The following ADAMTS14 variants were observed in gnomAD, a reference collection of about 807,000 sequenced individuals.
ADAMTS14 encodes the protein ADAM metallopeptidase with thrombospondin type 1 motif 14, also known as A disintegrin and metalloproteinase with thrombospondin motifs 14.
A neutral mutation model predicts 128.6 loss-of-function variants in ADAMTS14; 100 were observed. The ratio of observed to expected loss-of-function variants is 0.78; its 90% CI spans 0.66 to 0.92. The LOEUF is 0.92. Ranked by LOEUF, ADAMTS14 falls within the 40% of genes least tolerant of loss-of-function variation. The pLI is 0.00. For synonymous variants in ADAMTS14, 665 were observed against 653.8 expected (o/e 1.02, Z -0.26); for missense variants, 1,562 against 1,658.6 (o/e 0.94, Z 1.01).
At chr10:70,678,168 G>A (rs1021797920) in intron 2 of ADAMTS14, among the ~76,000 whole-genome samples, 9 of 152,224 alleles carry the variant, frequency 5.9e-5, no homozygotes, top group African/African-American at 1.4e-4. Context: ...GCGGAGATAC[G>A]AAGATAATAC....
intron 4 of ADAMTS14, among the ~76,000 whole-genome samples, chr10:70,722,944 T>C (rs570269329): frequency 4.5e-4 from 68 of 152,334 alleles, no homozygotes; most frequent in African/African-American, 1.6e-3. Context: ...CCACACATAG[T>C]GACTTTCTTC....
intron 10 of ADAMTS14, among the ~76,000 whole-genome samples, 199 bp from the exon 11 acceptor site, chr10:70,738,643 C>A (rs1313230938): frequency 6.6e-6 from 1 of 152,238 alleles, no homozygotes; most frequent in East Asian, 1.9e-4. Context: ...AAGCTATGAG[C>A]AGGTGCAGTT....
Position 70,718,861 on chromosome 10 carries a change from T to C in ADAMTS14, c.870+10083T>C, listed in dbSNP as rs114633399. Among the ~76,000 whole-genome samples the C allele has an allele frequency of 8.9e-3, 1,350 of 151,870 alleles. 21 individuals are homozygous for C. Among genetic ancestry groups the C allele is most frequent in the African/African-American group, 0.03 (1,230 of 41,338 alleles). Reference sequence around the variant, plus strand: ...GCCTAATTTTCTTCTTCTTCTTCTTTTTTTTTTAATTTTTAGTAGAGACAG... The same window carrying C: ...GCCTAATTTTCTTCTTCTTCTTCTTCTTTTTTTAATTTTTAGTAGAGACAG... On this transcript the variant is annotated intron_variant, in intron 4 of 21. Transcript: ENST00000373207.
At chr10:70,707,471 C>T (rs1292231984) in intron 3 of ADAMTS14, among the ~76,000 whole-genome samples, 1 of 152,180 alleles carries the variant, frequency 6.6e-6, no homozygotes, top group Non-Finnish European at 1.5e-5. Flanking sequence ...CAGACCCCAG[C>T]CTCCTGTCCT....
At chr10:70,743,202 G>T (rs1842060332) in intron 12 of ADAMTS14, among the ~76,000 whole-genome samples, 1 of 152,184 alleles carries the variant, frequency 6.6e-6, no homozygotes, top group Admixed American at 6.5e-5. Flanking sequence ...TGTATTTTAA[G>T]GGCATGTGAA....
chr10:70,693,888 T>C (rs1840259128), intron 2 of ADAMTS14, among the ~76,000 whole-genome samples: 1 of 152,220 alleles, frequency 6.6e-6, no homozygotes, highest in Non-Finnish European at 1.5e-5. Flanking sequence ...TTTGGCTTGT[T>C]GTGGCAGCGC....
chr10:70,728,244 A>G (rs1265745948), intron 4 of ADAMTS14, among the ~76,000 whole-genome samples: 1 of 152,242 alleles, frequency 6.6e-6, no homozygotes, highest in Non-Finnish European at 1.5e-5. Context: ...AACAAGCAAC[A>G]TAGAAACAGT....
chr10:70,758,081 C>CCT lies in ADAMTS14; in HGVS notation c.3057_3058insCT (p.Ala1020LeufsTer12), dbSNP rs775082186. ...ACACTGTCCAGGTCTGCAGCCTGCCCGCCTGTGGAGGTGAGCCAGAGGGGA... is the reference window on the plus strand; with the variant it reads ...ACACTGTCCAGGTCTGCAGCCTGCCCCTGCCTGTGGAGGTGAGCCAGAGGGGA... On this transcript the variant is annotated frameshift_variant, in exon 20 of 22. Transcript: ENST00000373207. The CCT allele has an allele frequency of 3.7e-6, 6 of 1,612,010 alleles. No individual in the cohort carries two copies. Among genetic ancestry groups the CCT allele is most frequent in the Non-Finnish European group, 4.2e-6 (5 of 1,178,884 alleles).
At chr10:70,734,581 G>A (rs1841764808) in intron 8 of ADAMTS14, among the ~76,000 whole-genome samples, 1 of 152,192 alleles carries the variant, frequency 6.6e-6, no homozygotes, top group Admixed American at 6.5e-5. Flanking sequence ...GGCCCCAGCA[G>A]CACACTCCCA....
chr10:70,736,257 G>T (rs926349739), intron 9 of ADAMTS14, among the ~76,000 whole-genome samples: 2 of 105,550 alleles, frequency 1.9e-5, no homozygotes, highest in African/African-American at 6.8e-5. Flanking sequence ...TCCCAGCCTC[G>T]TTGGAGTGCT....
chr10:70,760,115 TGCG>T (rs1346336909), intron 21 of ADAMTS14, among the ~76,000 whole-genome samples: 4 of 126,866 alleles, frequency 3.2e-5, no homozygotes, highest in African/African-American at 1.2e-4. Context: ...CTGCTGCTGC[TGCG>T]TGTGGGGACA....
intron 19 of ADAMTS14, among the ~76,000 whole-genome samples, chr10:70,756,134 TA>T: frequency 6.6e-6 from 1 of 152,152 alleles, no homozygotes; most frequent in Non-Finnish European, 1.5e-5. Flanking sequence ...CAGTATGAAG[TA>T]AAAAAGCACT....
chr10:70,748,640 A>G (rs1051814619), intron 15 of ADAMTS14, among the ~76,000 whole-genome samples: 3 of 152,336 alleles, frequency 2.0e-5, no homozygotes, highest in East Asian at 1.9e-4. Context: ...GGAGTCTCCA[A>G]TTCCCCATCT....
intron 9 of ADAMTS14, 112 bp downstream of exon 9, chr10:70,735,413 G>A (rs1589316323): frequency 7.1e-7 from 1 of 1,411,996 alleles, no homozygotes; most frequent in Non-Finnish European, 9.5e-7. Context: ...AGTGGGCCTG[G>A]TGATGGGCCC....
chr10:70,736,353 C>G (rs1254694134), intron 9 of ADAMTS14, among the ~76,000 whole-genome samples: 1 of 152,036 alleles, frequency 6.6e-6, no homozygotes, highest in Non-Finnish European at 1.5e-5. Flanking sequence ...CACTGTGAAC[C>G]CAGACCTCCC....
chr10:70,744,035 C>T, intron 13 of ADAMTS14, 31 bp from the exon 14 acceptor site: 1 of 1,551,966 alleles, frequency 6.4e-7, no homozygotes, highest in Non-Finnish European at 8.7e-7. Flanking sequence ...GCAGGGGAGC[C>T]TCCTCCCACT....
At chr10:70,723,091 G>T (rs1841320452) in intron 4 of ADAMTS14, among the ~76,000 whole-genome samples, 1 of 152,188 alleles carries the variant, frequency 6.6e-6, no homozygotes, top group South Asian at 2.1e-4. Flanking sequence ...CCTTGACATG[G>T]CCTGATGAGG....
intron 3 of ADAMTS14, among the ~76,000 whole-genome samples, chr10:70,702,695 G>C (rs1288349709): frequency 6.6e-6 from 1 of 152,202 alleles, no homozygotes; most frequent in Non-Finnish European, 1.5e-5. Flanking sequence ...GTCCTGAACT[G>C]TGGTCCCTGG....
chr10:70,732,401 C>T lies in ADAMTS14; in HGVS notation c.1208+42C>T, dbSNP rs375190306. The stretch of plus-strand genomic sequence containing the variant: ...CGGTGGGTGGGACTGGCAGCTGTGC[C>T]GTGAGCTCCAGGGAATTCTGTGGCT... On this transcript the variant is annotated intron_variant, in intron 7 of 21. Transcript: ENST00000373207. The T allele has an allele frequency of 1.8e-4, 274 of 1,524,062 alleles. No individual in the cohort carries two copies. In the African/African-American group the frequency reaches 3.2e-3, roughly 18 times the overall value. 94.4% of individuals were successfully genotyped at this position (1,524,062 alleles called of 1,614,324 possible).
Sources: gnomAD v4.1 joint callset for allele counts (sites outside exome capture counted in the v4.1 genomes callset) on GRCh38, gnomAD v4.1.1 for gene constraint, MANE v1.5 for transcripts, NCBI Gene and HGNC (gene_info 2026-07-23, HGNC 2026-07-21) for gene names.